NLGN1: variants seen among roughly 807,000 people sequenced by gnomAD.
NLGN1 encodes the protein neuroligin 1, also known as neuroligin-1.
In NLGN1, 12 loss-of-function variants were observed where a neutral mutation model predicts 65.5. The observed-to-expected ratio is 0.18, with a 90% CI of 0.12 to 0.30. The LOEUF (loss-of-function observed/expected upper bound fraction) is 0.30. Among genes scored for constraint, NLGN1 ranks in the 10% least tolerant of loss-of-function variants. The probability of loss-of-function intolerance (pLI) is 1.00; values close to 1 mark genes in which losing one functional copy is unlikely to be tolerated. For missense variants in NLGN1, 750 were observed against 1,007.1 expected (o/e 0.74, Z 3.46); for synonymous variants, 350 against 359.5 (o/e 0.97, Z 0.30).
chr3:174,167,180 C>T (rs182154725), intron 4 of NLGN1, among the ~76,000 whole-genome samples: 18 of 152,172 alleles, frequency 1.2e-4, no homozygotes, highest in African/African-American at 3.6e-4. Flanking sequence ...AGACCATTTA[C>T]ATTCAAGGTT....
intron 2 of NLGN1, among the ~76,000 whole-genome samples, chr3:173,491,285 T>C (rs1729108158): frequency 6.6e-6 from 1 of 152,042 alleles, no homozygotes; most frequent in South Asian, 2.1e-4. Flanking sequence ...ACCTAACTTA[T>C]TGACAGTTTT....
At chr3:173,794,816 A>G (rs73880584) in intron 3 of NLGN1, among the ~76,000 whole-genome samples, 4,623 of 152,128 alleles carry the variant, frequency 0.03, 244 homozygotes, top group African/African-American at 0.11. Context: ...TTTATTCTAG[A>G]TGGAATTGCT....
chr3:174,158,677 T>C lies in NLGN1; in HGVS notation c.647-116638T>C, dbSNP rs116474019. 5.9e-3 allele frequency among the ~76,000 whole-genome samples: 896 copies of C among 151,786 alleles called. 7 individuals carry two copies. The highest frequency in any genetic ancestry group is 0.02 in the African/African-American group (836 of 41,504). ...ATGTTTGAGAAACACTTAGTTGGAA[T>C]AGTGTTATTTTGTGTGGGTATAAAT... On this transcript the variant is annotated intron_variant, in intron 4 of 6. Coordinates refer to ENST00000457714, the Ensembl canonical transcript of NLGN1.
intron 4 of NLGN1, among the ~76,000 whole-genome samples, chr3:174,184,012 C>A (rs1730942495): frequency 6.6e-6 from 1 of 152,018 alleles, no homozygotes; most frequent in South Asian, 2.1e-4. Context: ...AAAAGATAAT[C>A]CTGAATACAA....
chr3:174,112,753 A>G (rs1489297601), intron 4 of NLGN1, among the ~76,000 whole-genome samples: 1 of 151,974 alleles, frequency 6.6e-6, no homozygotes, highest in East Asian at 1.9e-4. Context: ...ATGTTTCTAA[A>G]AATATGTTAG....
intron 4 of NLGN1, among the ~76,000 whole-genome samples, chr3:173,984,605 T>C (rs1185109420): frequency 6.6e-6 from 1 of 152,224 alleles, no homozygotes; most frequent in East Asian, 1.9e-4. Context: ...TTCACACTTA[T>C]TTAACCCAAC....
chr3:174,281,462 G>A (rs1035376850), exon 7 of NLGN1: 1 of 548,808 alleles, frequency 1.8e-6, no homozygotes, highest in Admixed American at 3.5e-5. Context: ...AAAATGAATT[G>A]TATATATACA....
At chr3:173,981,089 A>T (rs1172658196) in intron 4 of NLGN1, among the ~76,000 whole-genome samples, 1 of 152,126 alleles carries the variant, frequency 6.6e-6, no homozygotes, top group African/African-American at 2.4e-5. Flanking sequence ...TGGAGTCACA[A>T]GAAACTTGAT....
intron 4 of NLGN1, among the ~76,000 whole-genome samples, chr3:174,109,103 A>T (rs1385869106): frequency 1.3e-5 from 2 of 152,046 alleles, no homozygotes; most frequent in Non-Finnish European, 2.9e-5. Flanking sequence ...TTCTTATTAA[A>T]TTTTTTCCTT....
chr3:174,292,985 A>G, the NLGN1 span, among the ~76,000 whole-genome samples: 1 of 151,684 alleles, frequency 6.6e-6, no homozygotes, highest in Admixed American at 6.6e-5. Context: ...CACACGATTT[A>G]AAATTTTCCC....
At chr3:173,716,807 A>G (rs1289336452) in intron 3 of NLGN1, among the ~76,000 whole-genome samples, 1 of 152,070 alleles carries the variant, frequency 6.6e-6, no homozygotes, top group Non-Finnish European at 1.5e-5. Context: ...CCTTCTTGAT[A>G]TTCATTTATT....
At chr3:173,959,926 A>G (rs78673195) in intron 4 of NLGN1, among the ~76,000 whole-genome samples, 2,622 of 152,202 alleles carry the variant, frequency 0.017, 57 homozygotes, top group African/African-American at 0.059. Context: ...ATAATTGTTG[A>G]TATTCCTAGG....
At chr3:174,247,651 C>T (rs1198830660) in intron 4 of NLGN1, among the ~76,000 whole-genome samples, 1 of 152,166 alleles carries the variant, frequency 6.6e-6, no homozygotes, top group Non-Finnish European at 1.5e-5. Context: ...GACCAACTTG[C>T]ATTCATTATT....
intron 3 of NLGN1, chr3:173,644,401 G>A: frequency 6.4e-6 from 1 of 155,340 alleles, no homozygotes. Flanking sequence ...CTTGTCATGG[G>A]ACGCATGTAC....
At chr3:174,104,977 G>A (rs1365420125) in intron 4 of NLGN1, among the ~76,000 whole-genome samples, 1 of 152,116 alleles carries the variant, frequency 6.6e-6, no homozygotes, top group Non-Finnish European at 1.5e-5. Context: ...GATATGGCTA[G>A]TGACAAGAGT....
At chr3:174,181,298 C>T (rs1167851964) in intron 4 of NLGN1, among the ~76,000 whole-genome samples, 5 of 152,172 alleles carry the variant, frequency 3.3e-5, no homozygotes, top group Non-Finnish European at 5.9e-5. Context: ...TTTTTATCCA[C>T]AGAACATACC....
chr3:174,003,301 A>G (rs1461454519), intron 4 of NLGN1, among the ~76,000 whole-genome samples: 1 of 152,168 alleles, frequency 6.6e-6, no homozygotes, highest in Non-Finnish European at 1.5e-5. Context: ...GGCAGGCATT[A>G]TTTGAATTTA....
chr3:174,181,287 C>T (rs1254636586), intron 4 of NLGN1, among the ~76,000 whole-genome samples: 4 of 152,138 alleles, frequency 2.6e-5, no homozygotes, highest in Non-Finnish European at 5.9e-5. Flanking sequence ...TTCTCCCTGC[C>T]TTTTTATCCA....
intron 4 of NLGN1, among the ~76,000 whole-genome samples, chr3:174,267,370 A>G (rs1421434): frequency 0.16 from 23,835 of 152,070 alleles, 2,199 homozygotes; most frequent in East Asian, 0.49. Flanking sequence ...ACTCCTCCTA[A>G]TAGGCCCCAC....
Sources: gnomAD v4.1 joint callset for allele counts (sites outside exome capture counted in the v4.1 genomes callset) on GRCh38, gnomAD v4.1.1 for gene constraint, MANE v1.5 for transcripts, NCBI Gene and HGNC (gene_info 2026-07-23, HGNC 2026-07-21) for gene names.